Variants in CSNK1E observed in about 807,000 individuals in gnomAD.
The protein encoded by CSNK1E is casein kinase 1 epsilon.
CSNK1E carries 17 observed loss-of-function variants against 46.1 expected under a neutral mutation model. That is an observed-to-expected ratio of 0.37 (90% CI 0.25 to 0.55). The LOEUF (loss-of-function observed/expected upper bound fraction) is 0.55, where lower values mean the gene tolerates loss of function less well. CSNK1E is among the 20% of genes least tolerant of loss of function. The pLI, the probability that CSNK1E is intolerant of heterozygous loss-of-function variation, is 0.82. For missense variants in CSNK1E, 386 were observed against 595.4 expected, an observed-to-expected ratio of 0.65 and a Z score of 3.66; for synonymous variants, 241 against 242.6, an observed-to-expected ratio of 0.99 and a Z score of 0.06.
At position 38,309,586 on chromosome 22, in the gene CSNK1E, C is replaced by T. The variant is rs116914609; in HGVS notation, c.76+4496G>A. ...TCTCATGCCTCAGCCTCCCGAGTAA[C>T]TGGGATTACAAGCAGACACCACCAC... On this transcript the variant is annotated intron_variant, in intron 2 of 10. Transcript: ENST00000396832. This position sits in a 1 kb window ranked among gnomAD's most constrained non-coding sequence, Gnocchi z 4.8. Among the ~76,000 whole-genome samples the T allele has an allele frequency of 0.053, 8,036 of 152,098 alleles. 292 individuals carry two copies. Among genetic ancestry groups the T allele is most frequent in the Non-Finnish European group, 0.079 (5,345 of 68,004 alleles).
chr22:38,315,334 C>T (rs2092739528), intron 1 of CSNK1E, among the ~76,000 whole-genome samples: 1 of 152,218 alleles, frequency 6.6e-6, no homozygotes, highest in South Asian at 2.1e-4. Flanking sequence ...TGGGCAGATC[C>T]CAGGAGAGAC....
rs1000466324 is a variant in CSNK1E, at chr22:38,303,930, C to G, written c.77-682G>C. On this transcript the variant is annotated intron_variant, in intron 2 of 10. Coordinates refer to ENST00000396832, the MANE Select transcript of CSNK1E (RefSeq NM_152221.3). This position sits in a 1 kb window ranked among gnomAD's most constrained non-coding sequence, Gnocchi z 4.7. ...GTCAGAGGTCCTGCCTGCACCTCCC[C>G]GTCTCCCCCAGTCCACTCCTGGCTT... is the stretch of plus-strand genomic sequence containing the variant. Among the ~76,000 whole-genome samples, 2 of 152,174 alleles carry G rather than the reference C, an allele frequency of 1.3e-5. No homozygotes were observed. Among genetic ancestry groups the G allele is most frequent in the African/African-American group, 4.8e-5 (2 of 41,440 alleles).
intron 7 of CSNK1E, chr22:38,296,372 C>T: frequency 7.2e-7 from 1 of 1,393,196 alleles, no homozygotes; most frequent in Non-Finnish European, 9.3e-7. Context: ...AGAGTGGCTT[C>T]CAGGCCCCAG....
intron 7 of CSNK1E, chr22:38,295,400 G>A (rs1000213875): frequency 1.0e-6 from 1 of 985,280 alleles, no homozygotes; most frequent in South Asian, 4.7e-5. Flanking sequence ...GTTCATCCTG[G>A]GGCCGTCCAC....
At chr22:38,311,757 T>TGGGGATCTGAACCTGGA (rs1352331915) in intron 2 of CSNK1E, among the ~76,000 whole-genome samples, 1 of 151,908 alleles carries the variant, frequency 6.6e-6, no homozygotes, top group Non-Finnish European at 1.5e-5. Flanking sequence ...AGGAACACGC[T>TGGGGATCTGAACCTGGA]GGGGATCTGA....
Position 38,294,820 on chromosome 22 carries a change from G to A in CSNK1E, c.886-286C>T, listed in dbSNP as rs1005882006. ...GAGCCAGAGAAAGGACAACTAATGC[G>A]CCCAGGATGATCAAGAGCACCTCTT... is the stretch of plus-strand genomic sequence containing the variant. On this transcript the variant is annotated intron_variant, in intron 7 of 10. Coordinates refer to ENST00000396832, the MANE Select transcript of CSNK1E (RefSeq NM_152221.3). This position sits in a 1 kb window ranked among gnomAD's most constrained non-coding sequence, Gnocchi z 5.5. Among the ~76,000 whole-genome samples, 51 of 152,196 alleles carry A rather than the reference G, an allele frequency of 3.4e-4. No homozygotes were observed. The highest frequency in any genetic ancestry group is 3.7e-4 in the Non-Finnish European group (25 of 68,034).
intron 2 of CSNK1E, among the ~76,000 whole-genome samples, chr22:38,305,001 A>G (rs1172938898): frequency 6.6e-6 from 1 of 151,896 alleles, no homozygotes; most frequent in Non-Finnish European, 1.5e-5. Flanking sequence ...AGGCATCTGT[A>G]ATCCCAGCTA....
At chr22:38,296,709 T>G in intron 7 of CSNK1E, 1 of 1,608,936 alleles carries the variant, frequency 6.2e-7, no homozygotes, top group Non-Finnish European at 8.5e-7. Context: ...GAGATCTTGC[T>G]GGCTAGACAG....
At chr22:38,304,857 C>G (rs2092690810) in intron 2 of CSNK1E, among the ~76,000 whole-genome samples, 1 of 152,212 alleles carries the variant, frequency 6.6e-6, no homozygotes, top group Non-Finnish European at 1.5e-5. Context: ...GGCACAGTGG[C>G]TCACGCCCGT....
Position 38,300,485 on chromosome 22 carries a change from C to T in CSNK1E, c.565+239G>A, listed in dbSNP as rs1047966231. ...TATCTTCCAGCCTGCACCAACAGGGCGGAGGAGGAAGCAGGGCCAGGGAAG... is the reference window on the plus strand; with the variant it reads ...TATCTTCCAGCCTGCACCAACAGGGTGGAGGAGGAAGCAGGGCCAGGGAAG... On this transcript the variant is annotated intron_variant, in intron 5 of 10. Coordinates refer to ENST00000396832, the MANE Select transcript of CSNK1E (RefSeq NM_152221.3). This position sits in a 1 kb window ranked among gnomAD's most constrained non-coding sequence, Gnocchi z 4.4. Among the ~76,000 whole-genome samples, 2 of 152,194 alleles carry T rather than the reference C, an allele frequency of 1.3e-5. No homozygotes were observed. Among genetic ancestry groups the T allele is most frequent in the Non-Finnish European group, 2.9e-5 (2 of 68,044 alleles).
At chr22:38,293,342 GA>G in intron 9 of CSNK1E, 23 bp from the exon 10 acceptor site, 1 of 1,489,428 alleles carries the variant, frequency 6.7e-7, no homozygotes, top group South Asian at 1.1e-5. Flanking sequence ...GGGAGGGAGA[GA>G]GGGGGAGGGA....
intron 7 of CSNK1E, chr22:38,296,967 T>C (rs1010321270): frequency 1.6e-6 from 1 of 616,912 alleles, no homozygotes; most frequent in Non-Finnish European, 2.9e-6. Context: ...TAGAAATGGG[T>C]TTCACCATGT....
chr22:38,297,923 G>A, intron 7 of CSNK1E: 1 of 1,115,192 alleles, frequency 9.0e-7, no homozygotes, highest in Non-Finnish European at 1.1e-6. Context: ...CAGGCCAGTA[G>A]TTTTGGGGGG....
intron 7 of CSNK1E, among the ~76,000 whole-genome samples, chr22:38,295,092 C>G (rs1269172629): frequency 6.6e-6 from 1 of 152,188 alleles, no homozygotes; most frequent in Admixed American, 6.5e-5. Flanking sequence ...CTGTCCTTCC[C>G]CCTGCCGGGA....
At chr22:38,297,120 A>G (rs1162066385) in intron 7 of CSNK1E, 2 of 778,876 alleles carry the variant, frequency 2.6e-6, no homozygotes, top group Middle Eastern at 2.3e-4. Flanking sequence ...AATGTGTCGC[A>G]TGTGGCCAAT....
rs1353213137 is a variant in CSNK1E, at chr22:38,303,015, G to T, written c.188-6C>A. The T allele has an allele frequency of 1.5e-5, 24 of 1,611,968 alleles. No individual in the cohort carries two copies. The highest frequency in any genetic ancestry group is 1.6e-4 in the Middle Eastern group (1 of 6,082). The stretch of plus-strand genomic sequence containing the variant: ...CTTGATGGACGGGATCCCCACTGGG[G>T]GTCAAGCAGAGGGCCTCTGTCAGGG... On this transcript the variant is annotated splice_polypyrimidine_tract_variant and splice_region_variant and intron_variant, in intron 3 of 10. Coordinates refer to ENST00000396832, the MANE Select transcript of CSNK1E (RefSeq NM_152221.3). This position sits in a 1 kb window ranked among gnomAD's most constrained non-coding sequence, Gnocchi z 4.7.
intron 2 of CSNK1E, among the ~76,000 whole-genome samples, chr22:38,304,277 A>C (rs1378654384): frequency 6.6e-6 from 1 of 152,178 alleles, no homozygotes; most frequent in Non-Finnish European, 1.5e-5. Flanking sequence ...ACATCAGAGG[A>C]AAAGATGAGA....
intron 7 of CSNK1E, among the ~76,000 whole-genome samples, chr22:38,295,130 T>G (rs1602541115): frequency 1.3e-5 from 2 of 152,038 alleles, no homozygotes; most frequent in African/African-American, 4.8e-5. Flanking sequence ...GCAGGTGCAG[T>G]GGAGGCCACA....
rs2092753937 is a variant in CSNK1E at position 38,317,399 on chromosome 22, G to GCCCGCCCGCCCGCCCGCC, written c.-253_-252insGGCGGGCGGGCGGGCGGG. On this transcript the variant is annotated 5_prime_UTR_variant, in exon 1 of 11. Coordinates refer to ENST00000396832, the MANE Select transcript of CSNK1E (RefSeq NM_152221.3). ...CCTCCCTCCTCCCGGCCTCCTGCCC[G>GCCCGCCCGCCCGCCCGCC]CCCGCCCGCCCCCGCCGCCGGCTCG... 1 of 24,070 alleles carries GCCCGCCCGCCCGCCCGCC rather than the reference G, an allele frequency of 4.2e-5. No individual in the cohort carries two copies. The highest frequency in any genetic ancestry group is 9.1e-5 in the Non-Finnish European group (1 of 11,026). 1.5% of individuals were successfully genotyped at this position (24,070 alleles called of 1,614,324 possible).
Sources: gnomAD v4.1 joint callset for allele counts (sites outside exome capture counted in the v4.1 genomes callset) on GRCh38, gnomAD v4.1.1 for gene constraint, Gnocchi (gnomAD v3.1) non-coding constraint, MANE v1.5 for transcripts, NCBI Gene and HGNC (gene_info 2026-07-23, HGNC 2026-07-21) for gene names.